The following PTPRN2 variants were observed in gnomAD, a reference collection of about 807,000 sequenced individuals.
The protein encoded by PTPRN2 is protein tyrosine phosphatase receptor type N2.
In PTPRN2, 74 loss-of-function variants were observed where a neutral mutation model predicts 118.8. The observed-to-expected ratio is 0.62, with a 90% CI of 0.52 to 0.76. The LOEUF is 0.76. Ranked by LOEUF, PTPRN2 falls within the 30% of genes least tolerant of loss-of-function variation. The pLI, the probability that PTPRN2 is intolerant of heterozygous loss-of-function variation, is 0.00. For missense variants in PTPRN2, 1,481 were observed against 1,394.4 expected, an observed-to-expected ratio of 1.06 and a Z score of -0.99; for synonymous variants, 641 against 608.0, an observed-to-expected ratio of 1.05 and a Z score of -0.80.
At chr7:157,576,567 C>A in intron 19 of PTPRN2, 46 bp downstream of exon 19, 1 of 1,541,954 alleles carries the variant, frequency 6.5e-7, no homozygotes, top group Non-Finnish European at 8.8e-7. Context: ...TCCCCTGTGC[C>A]GCGCGCTCAG....
intron 3 of PTPRN2, among the ~76,000 whole-genome samples, chr7:158,313,804 A>G (rs1349204193): frequency 6.6e-6 from 1 of 152,224 alleles, no homozygotes; most frequent in Non-Finnish European, 1.5e-5. Context: ...AAATTCATGG[A>G]TATATGAGAC....
At chr7:157,705,738 C>T (rs1798295718) in intron 12 of PTPRN2, among the ~76,000 whole-genome samples, 2 of 151,446 alleles carry the variant, frequency 1.3e-5, no homozygotes, top group African/African-American at 2.4e-5. Flanking sequence ...CCCCAGAATG[C>T]TGGGAATTCA....
rs1446515610 is a variant in PTPRN2, at chr7:157,929,021, T to C, written c.1724-30284A>G. 6.6e-6 allele frequency among the ~76,000 whole-genome samples: 1 copy of C among 152,120 alleles called. No homozygotes were observed. Among genetic ancestry groups the C allele is most frequent in the Non-Finnish European group, 1.5e-5 (1 of 67,996 alleles). On this transcript the variant is annotated intron_variant, in intron 11 of 22. Transcript: ENST00000389418. The surrounding 1 kb of genome is among the most constrained non-coding windows in gnomAD (Gnocchi z 4.4). ...GGCAGGAGGGGACATGGAGATGGTT[T>C]AACCTCACATGCCCACTTTAGAGGC...
chr7:157,540,607 C>A lies in PTPRN2; in HGVS notation c.*107G>T. The A allele has an allele frequency of 1.1e-6, 1 of 896,534 alleles. No homozygotes were observed. Among genetic ancestry groups the A allele is most frequent in the Non-Finnish European group, 1.7e-6 (1 of 582,010 alleles). The allele number at this position is 896,534 out of a possible 1,614,324, so 55.5% of individuals were successfully genotyped here. On this transcript the variant is annotated 3_prime_UTR_variant, in exon 23 of 23. Coordinates refer to ENST00000389418, the MANE Select transcript of PTPRN2 (RefSeq NM_002847.5). ...GCGCTGACTACGGGAGAGCTAAGGG[C>A]CCTATTACTATGCAGTTATAATAGA... is the stretch of plus-strand genomic sequence containing the variant.
At chr7:158,534,726 G>T (rs1264356715) in intron 1 of PTPRN2, among the ~76,000 whole-genome samples, 3 of 152,218 alleles carry the variant, frequency 2.0e-5, no homozygotes, top group Admixed American at 2.0e-4. Context: ...ATCTGCCCGG[G>T]CATGTTTCAC....
At chr7:158,385,539 A>C (rs1811266465) in intron 2 of PTPRN2, among the ~76,000 whole-genome samples, 1 of 152,212 alleles carries the variant, frequency 6.6e-6, no homozygotes, top group Non-Finnish European at 1.5e-5. Context: ...ATAAAATTCC[A>C]CACCTTGTTT....
At chr7:158,203,225 C>CAAAAAAAAAAAAA (rs56016358) in intron 4 of PTPRN2, among the ~76,000 whole-genome samples, 3 of 50,332 alleles carry the variant, frequency 6.0e-5, no homozygotes, top group Admixed American at 2.8e-4. Flanking sequence ...AAGCAAGAGC[C>CAAAAAAAAAAAAA]AAAAAAAAAA....
intron 12 of PTPRN2, among the ~76,000 whole-genome samples, chr7:157,810,539 C>CGGGGAT (rs1805937657): frequency 6.0e-5 from 7 of 116,586 alleles, no homozygotes; most frequent in African/African-American, 2.4e-4. Flanking sequence ...GGGTTCTCCA[C>CGGGGAT]GGGGACGGGG....
intron 2 of PTPRN2, among the ~76,000 whole-genome samples, chr7:158,333,198 TAA>T (rs1415512135): frequency 9.5e-6 from 1 of 105,226 alleles, no homozygotes; most frequent in Non-Finnish European, 1.9e-5. Context: ...ACTCTCACCA[TAA>T]GAGCTGTCGC....
intron 1 of PTPRN2, among the ~76,000 whole-genome samples, chr7:158,568,355 G>C (rs147432885): frequency 6.6e-6 from 1 of 152,110 alleles, no homozygotes; most frequent in East Asian, 1.9e-4. Context: ...GAGATGAACC[G>C]CCCAAGCTCA....
At chr7:158,021,244 C>T (rs1160391172) in intron 11 of PTPRN2, among the ~76,000 whole-genome samples, 8 of 152,110 alleles carry the variant, frequency 5.3e-5, no homozygotes, top group Admixed American at 5.2e-4. Context: ...TAGAACACAG[C>T]AGGTATTAGG....
intron 4 of PTPRN2, among the ~76,000 whole-genome samples, chr7:158,198,010 T>G (rs1826344118): frequency 6.6e-6 from 1 of 152,218 alleles, no homozygotes; most frequent in Non-Finnish European, 1.5e-5. Flanking sequence ...GCATCTCAAA[T>G]CATGGCTATA....
intron 21 of PTPRN2, among the ~76,000 whole-genome samples, chr7:157,556,607 AC>A (rs1798898945): frequency 6.9e-6 from 1 of 144,026 alleles, no homozygotes; most frequent in Non-Finnish European, 1.5e-5. Flanking sequence ...AAACACACAC[AC>A]CCCACACATC....
intron 3 of PTPRN2, among the ~76,000 whole-genome samples, chr7:158,255,300 C>T (rs957680128): frequency 6.6e-6 from 1 of 152,320 alleles, no homozygotes; most frequent in Non-Finnish European, 1.5e-5. Context: ...AATCACACCA[C>T]AGAGGAAACC....
intron 13 of PTPRN2, among the ~76,000 whole-genome samples, chr7:157,668,096 C>T (rs11761493): frequency 0.19 from 29,489 of 152,284 alleles, 3,382 homozygotes; most frequent in Non-Finnish European, 0.25. Flanking sequence ...AGTCCTCGCT[C>T]GCCGTAGAGC....
At chr7:157,579,317 A>T (rs1800223640) in intron 17 of PTPRN2, among the ~76,000 whole-genome samples, 1 of 152,228 alleles carries the variant, frequency 6.6e-6, no homozygotes, top group Non-Finnish European at 1.5e-5. Flanking sequence ...ATTATGCTCA[A>T]ATTTGTGCAC....
chr7:158,141,083 G>T (rs900380855), intron 6 of PTPRN2, among the ~76,000 whole-genome samples: 6 of 151,930 alleles, frequency 3.9e-5, no homozygotes, highest in Non-Finnish European at 8.8e-5. Context: ...CGCTAGAGGG[G>T]TCTCACCACG....
chr7:158,171,028 CA>C (rs1823508043), intron 5 of PTPRN2, among the ~76,000 whole-genome samples: 1 of 143,816 alleles, frequency 7.0e-6, no homozygotes, highest in South Asian at 2.1e-4. Context: ...TATATATACA[CA>C]TATATATACA....
chr7:158,050,814 T>C (rs1322031543), intron 11 of PTPRN2, among the ~76,000 whole-genome samples: 1 of 152,248 alleles, frequency 6.6e-6, no homozygotes, highest in Admixed American at 6.5e-5. Context: ...CCTTCCTCTG[T>C]GCACACCTCT....
Sources: gnomAD v4.1 joint callset for allele counts (sites outside exome capture counted in the v4.1 genomes callset) on GRCh38, gnomAD v4.1.1 for gene constraint, Gnocchi (gnomAD v3.1) non-coding constraint, MANE v1.5 for transcripts, NCBI Gene and HGNC (gene_info 2026-07-23, HGNC 2026-07-21) for gene names.